Variants in DNAH7 observed in about 807,000 individuals in gnomAD.
DNAH7 encodes axonemal beta dynein heavy chain 7.
DNAH7 carries 397 observed loss-of-function variants against 444.6 expected under a neutral mutation model. The ratio of observed to expected loss-of-function variants is 0.89; its 90% CI spans 0.82 to 0.97. The LOEUF is 0.97. Ranked by LOEUF, DNAH7 falls within the 50% of genes least tolerant of loss-of-function variation. The probability of loss-of-function intolerance (pLI) is 0.00; values close to 1 mark genes in which losing one functional copy is unlikely to be tolerated. For synonymous variants in DNAH7, 1,636 were observed against 1,624.4 expected, an observed-to-expected ratio of 1.01 and a Z score of -0.17; for missense variants, 4,902 against 4,800.8, an observed-to-expected ratio of 1.02 and a Z score of -0.62.
In DNAH7 at chr2:195,738,261, AGTG is replaced by A. The variant is rs1197163984; in HGVS notation, c.11869-137_11869-135del. On this transcript the variant is annotated intron_variant, in intron 64 of 64. Coordinates refer to ENST00000312428, the MANE Select transcript of DNAH7 (RefSeq NM_018897.3). ...GTGGCCCAAATTTATTTTCACCAGC[AGTG>A]TTGTTGTGATTGCTCAAAACATTTT... 36 of 730,876 alleles carry A rather than the reference AGTG, an allele frequency of 4.9e-5. 1 individual carries two copies. The South Asian group carries it at 6.5e-4, about 13-fold the overall frequency. 45.3% of individuals were successfully genotyped at this position (730,876 alleles called of 1,614,324 possible). A position where few individuals can be genotyped will look rare whatever the true frequency, so the allele number is the denominator to read the frequency against.
At chr2:195,938,664 T>C (rs1689219812) in intron 19 of DNAH7, among the ~76,000 whole-genome samples, 1 of 152,152 alleles carries the variant, frequency 6.6e-6, no homozygotes, top group Non-Finnish European at 1.5e-5. Flanking sequence ...AATATTATAA[T>C]TGCCAAAATA....
intron 63 of DNAH7, among the ~76,000 whole-genome samples, chr2:195,744,841 A>G (rs1262758489): frequency 6.6e-6 from 1 of 152,180 alleles, no homozygotes; most frequent in African/African-American, 2.4e-5. Context: ...CATCCACACC[A>G]AAAACCCATC....
chr2:196,032,841 G>C (rs1309646537), intron 5 of DNAH7, among the ~76,000 whole-genome samples: 1 of 152,136 alleles, frequency 6.6e-6, no homozygotes, highest in Non-Finnish European at 1.5e-5. Flanking sequence ...TATCATTCAT[G>C]AATATAAACT....
chr2:195,959,890 A>G (rs1344883832), intron 18 of DNAH7, among the ~76,000 whole-genome samples: 1 of 152,202 alleles, frequency 6.6e-6, no homozygotes, highest in Non-Finnish European at 1.5e-5. Flanking sequence ...TCTTCCGTTC[A>G]CAGATACAAA....
chr2:195,933,625 C>G (rs1039252992), intron 21 of DNAH7, among the ~76,000 whole-genome samples: 5 of 151,892 alleles, frequency 3.3e-5, no homozygotes, highest in Non-Finnish European at 7.4e-5. Flanking sequence ...TGGAAACCAT[C>G]ATTCTCAGCA....
intron 38 of DNAH7, among the ~76,000 whole-genome samples, chr2:195,874,122 G>A (rs544350039): frequency 1.8e-4 from 27 of 152,016 alleles, no homozygotes; most frequent in Non-Finnish European, 2.2e-4. Context: ...CACAAGGCTC[G>A]AATTCAGCAC....
chr2:195,962,457 C>T (rs1691175700), intron 17 of DNAH7, among the ~76,000 whole-genome samples: 1 of 152,146 alleles, frequency 6.6e-6, no homozygotes, highest in South Asian at 2.1e-4. Context: ...TCAAATGATC[C>T]TCCCACTTTA....
rs562156914 is a variant in DNAH7 at position 195,841,615 on chromosome 2, C to T, written c.8945+3387G>A. ...TTCAGTCTTTGGATGAATACAAATT[C>T]TGAATTCAAAACGAACAAGCACTAC... On this transcript the variant is annotated intron_variant, in intron 47 of 64. Transcript: ENST00000312428. Among the ~76,000 whole-genome samples, 451 of 152,026 alleles carry T rather than the reference C, an allele frequency of 3.0e-3. 3 individuals are homozygous for T. The highest frequency in any genetic ancestry group is 0.01 in the African/African-American group (434 of 41,554).
intron 57 of DNAH7, among the ~76,000 whole-genome samples, chr2:195,793,233 G>T (rs1276670301): frequency 6.6e-6 from 1 of 152,104 alleles, no homozygotes; most frequent in Non-Finnish European, 1.5e-5. Flanking sequence ...CATCATGCCT[G>T]GCCCTTGTAC....
intron 10 of DNAH7, among the ~76,000 whole-genome samples, chr2:196,008,801 G>C (rs1367328641): frequency 1.3e-5 from 2 of 152,156 alleles, no homozygotes; most frequent in Non-Finnish European, 2.9e-5. Context: ...GCTGCTAACA[G>C]GTACAGAGTT....
chr2:195,858,366 A>T, intron 43 of DNAH7, 108 bp downstream of exon 43: 1 of 937,078 alleles, frequency 1.1e-6, no homozygotes, highest in Non-Finnish European at 1.5e-6. Flanking sequence ...CAGCTTCATT[A>T]AAATTTCAGG....
chr2:195,887,902 C>T (rs1701797266), intron 33 of DNAH7, among the ~76,000 whole-genome samples: 1 of 149,842 alleles, frequency 6.7e-6, no homozygotes, highest in South Asian at 2.1e-4. Context: ...TCTTTCCAGT[C>T]CTTCTACCAT....
Position 195,888,979 on chromosome 2 carries a change from A to G in DNAH7, c.5049T>C (p.Thr1683=). 1 of 1,612,544 alleles carries G rather than the reference A, an allele frequency of 6.2e-7. No individual in the cohort carries two copies. The highest frequency in any genetic ancestry group is 8.5e-7 in the Non-Finnish European group (1 of 1,179,532). ...CAAAAATTAACCATTTCCTATCTGGAGTCTGTTTCATGCATATGTGAACAG... is the reference window on the plus strand; with the variant it reads ...CAAAAATTAACCATTTCCTATCTGGGGTCTGTTTCATGCATATGTGAACAG... ...VSFRAFASSV[T]PDRKWLIFDG... Residue 1683 remains threonine, a splice_region_variant and synonymous_variant, in exon 32 of 65, where the codon ACT becomes ACC. Coordinates refer to ENST00000312428, the MANE Select transcript of DNAH7 (RefSeq NM_018897.3).
At chr2:195,839,917 G>A (rs1346703056) in intron 47 of DNAH7, among the ~76,000 whole-genome samples, 1 of 151,580 alleles carries the variant, frequency 6.6e-6, no homozygotes, top group Non-Finnish European at 1.5e-5. Context: ...TAATTTCTTT[G>A]GTCATTTCTA....
chr2:195,747,831 T>C (rs1693523458), intron 63 of DNAH7, among the ~76,000 whole-genome samples: 1 of 152,186 alleles, frequency 6.6e-6, no homozygotes, highest in African/African-American at 2.4e-5. Context: ...CGATGGGACA[T>C]ATCTCAAAAT....
intron 24 of DNAH7, among the ~76,000 whole-genome samples, chr2:195,920,292 C>T (rs149200910): frequency 2.0e-5 from 3 of 152,276 alleles, no homozygotes; most frequent in South Asian, 2.1e-4. Flanking sequence ...GGAGGTATCA[C>T]ATTACCCAAC....
At chr2:195,855,346 T>C (rs927732353) in intron 45 of DNAH7, among the ~76,000 whole-genome samples, 1 of 152,210 alleles carries the variant, frequency 6.6e-6, no homozygotes, top group African/African-American at 2.4e-5. Flanking sequence ...AGATACTGTG[T>C]GGTTCTGAGT....
At chr2:195,920,201 G>GA (rs889671180) in intron 24 of DNAH7, among the ~76,000 whole-genome samples, 32 of 150,792 alleles carry the variant, frequency 2.1e-4, no homozygotes, top group Non-Finnish European at 2.7e-4. Flanking sequence ...CACAGAACTA[G>GA]AAAAAAAAAT....
intron 57 of DNAH7, among the ~76,000 whole-genome samples, chr2:195,791,370 A>G (rs1000884781): frequency 3.4e-5 from 5 of 148,380 alleles, no homozygotes; most frequent in Admixed American, 1.4e-4. Context: ...GGGAGGCTGA[A>G]GCAGGAAAAA....
Sources: allele counts gnomAD v4.1 joint callset (sites outside exome capture counted in the v4.1 genomes callset), GRCh38; gene constraint gnomAD v4.1.1; transcripts MANE v1.5; gene names NCBI Gene and HGNC (gene_info 2026-07-23, HGNC 2026-07-21).